Variants in FABP6 observed in about 807,000 individuals in gnomAD.
FABP6 encodes fatty acid binding protein 6.
In FABP6, 13 loss-of-function variants were observed where a neutral mutation model predicts 14.9. That is an observed-to-expected ratio of 0.87 (90% CI 0.57 to 1.39). The LOEUF (loss-of-function observed/expected upper bound fraction) is 1.39. FABP6 is among the 40% of genes most tolerant of loss of function. The pLI, the probability that FABP6 is intolerant of heterozygous loss-of-function variation, is 0.00. For missense variants in FABP6, 161 were observed against 167.2 expected (o/e 0.96, Z 0.20); for synonymous variants, 75 against 63.6 (o/e 1.18, Z -0.85).
intron 3 of FABP6, among the ~76,000 whole-genome samples, chr5:160,216,181 A>G (rs1760008908): frequency 6.6e-6 from 1 of 152,164 alleles, no homozygotes; most frequent in Admixed American, 6.5e-5. Context: ...TCTGCTGTGT[A>G]TCTCCATCCC....
chr5:160,206,714 C>T (rs898082772), intron 2 of FABP6, among the ~76,000 whole-genome samples: 6 of 152,158 alleles, frequency 3.9e-5, no homozygotes, highest in Admixed American at 6.5e-5. Flanking sequence ...ATACCCACAG[C>T]TCTGAGGGCT....
chr5:160,219,409 C>CT (rs1760085489), intron 3 of FABP6, among the ~76,000 whole-genome samples: 2 of 152,154 alleles, frequency 1.3e-5, no homozygotes, highest in Admixed American at 1.3e-4. Flanking sequence ...GTTCTATTGC[C>CT]TCATAAAACT....
intron 2 of FABP6, among the ~76,000 whole-genome samples, chr5:160,202,864 A>G (rs559242296): frequency 1.3e-5 from 2 of 152,184 alleles, no homozygotes; most frequent in African/African-American, 4.8e-5. Flanking sequence ...AATCCCATAT[A>G]CAAAACAGAA....
intron 1 of FABP6, among the ~76,000 whole-genome samples, chr5:160,230,641 C>T (rs1440121495): frequency 2.6e-5 from 4 of 152,148 alleles, no homozygotes; most frequent in Admixed American, 1.3e-4. Flanking sequence ...GGATTACAGA[C>T]GTGAGCCACC....
At chr5:160,187,530 G>A (rs1759311193) in intron 1 of FABP6, 1 of 151,474 alleles carries the variant, frequency 6.6e-6, no homozygotes, top group Non-Finnish European at 1.5e-5. Flanking sequence ...GGTGGGGGTT[G>A]GGGGGGAGCT....
At chr5:160,235,214 TGGGACAC>T (rs1224742025) in intron 3 of FABP6, among the ~76,000 whole-genome samples, 2 of 152,186 alleles carry the variant, frequency 1.3e-5, no homozygotes, top group African/African-American at 2.4e-5. Context: ...CAACCGCTTC[TGGGACAC>T]GAGACTGGAA....
intron 3 of FABP6, among the ~76,000 whole-genome samples, chr5:160,224,032 C>T (rs1022621628): frequency 6.6e-6 from 1 of 151,584 alleles, no homozygotes; most frequent in African/African-American, 2.4e-5. Context: ...GTCAGAAGAT[C>T]GAGACCATCC....
At chr5:160,200,901 G>A (rs981933846) in intron 2 of FABP6, among the ~76,000 whole-genome samples, 19 of 152,138 alleles carry the variant, frequency 1.2e-4, no homozygotes, top group Admixed American at 1.2e-3. Flanking sequence ...GTATGAACTG[G>A]CACAATCTTC....
downstream of FABP6, chr5:160,238,719 C>CAGAT (rs1760575022): frequency 1.3e-5 from 20 of 1,539,390 alleles, no homozygotes; most frequent in Non-Finnish European, 1.8e-5. Context: ...TAAGGACAGA[C>CAGAT]GCTGCTCGCT....
chr5:160,208,484 G>A (rs573884686), intron 2 of FABP6, among the ~76,000 whole-genome samples: 2 of 152,232 alleles, frequency 1.3e-5, no homozygotes, highest in Admixed American at 6.5e-5. Flanking sequence ...TAGTTTGAAT[G>A]TTTGTCCCCT....
intron 1 of FABP6, among the ~76,000 whole-genome samples, chr5:160,194,844 CCA>C (rs1759479004): frequency 1.3e-5 from 2 of 152,180 alleles, no homozygotes; most frequent in African/African-American, 4.8e-5. Flanking sequence ...CACTCCCTGC[CCA>C]CCCCATCAGT....
upstream of FABP6, among the ~76,000 whole-genome samples, chr5:160,226,574 T>C (rs1327436328): frequency 6.6e-6 from 1 of 151,392 alleles, no homozygotes; most frequent in African/African-American, 2.4e-5. Flanking sequence ...ACACTGGGGC[T>C]CTGTGACTTT....
chr5:160,193,479 T>C (rs1759444062), intron 1 of FABP6, among the ~76,000 whole-genome samples: 2 of 152,144 alleles, frequency 1.3e-5, no homozygotes, highest in Admixed American at 6.5e-5. Flanking sequence ...GCTTTTATTC[T>C]CTTATTTGGC....
chr5:160,200,968 A>G (rs1759625978), intron 2 of FABP6, among the ~76,000 whole-genome samples: 1 of 152,210 alleles, frequency 6.6e-6, no homozygotes, highest in South Asian at 2.1e-4. Flanking sequence ...ACTTCAGGGG[A>G]TTTAACCCTA....
At chr5:160,209,045 C>T (rs1040106545) in intron 2 of FABP6, among the ~76,000 whole-genome samples, 6 of 151,400 alleles carry the variant, frequency 4.0e-5, no homozygotes, top group Admixed American at 6.6e-5. Context: ...CAGAGTACTG[C>T]GATTACAGGC....
chr5:160,202,318 T>C (rs918442068), intron 2 of FABP6, among the ~76,000 whole-genome samples: 1 of 152,158 alleles, frequency 6.6e-6, no homozygotes, highest in Non-Finnish European at 1.5e-5. Context: ...TTATTTCCAC[T>C]TAACTCTTCA....
chr5:160,198,872 C>CT (rs1210250624), intron 1 of FABP6: 2 of 563,664 alleles, frequency 3.5e-6, no homozygotes, highest in Non-Finnish European at 6.3e-6. Context: ...GCACTTTTGA[C>CT]TTTATCTTCT....
At chr5:160,227,584 G>A (rs1760277358), upstream of FABP6, among the ~76,000 whole-genome samples, 1 of 151,258 alleles carries the variant, frequency 6.6e-6, no homozygotes, top group Admixed American at 6.6e-5. Context: ...TGTTTGGGAG[G>A]CTGATTTGGG....
At chr5:160,189,577 C>T (rs1402133539) in intron 1 of FABP6, among the ~76,000 whole-genome samples, 1 of 152,034 alleles carries the variant, frequency 6.6e-6, no homozygotes, top group Non-Finnish European at 1.5e-5. Flanking sequence ...TTTTTTCAGC[C>T]TTTTAAACCT....
Sources: gnomAD v4.1 joint callset for allele counts (sites outside exome capture counted in the v4.1 genomes callset) on GRCh38, gnomAD v4.1.1 for gene constraint, MANE v1.5 for transcripts, NCBI Gene and HGNC (gene_info 2026-07-23, HGNC 2026-07-21) for gene names.